SEL1L3: variants seen among roughly 807,000 people sequenced by gnomAD.
The protein encoded by SEL1L3 is SEL1L family member 3, also known as protein sel-1 homolog 3.
Under a neutral mutation model 142.8 loss-of-function variants are expected in SEL1L3, and 76 were observed. The observed-to-expected ratio is 0.53, with a 90% CI of 0.44 to 0.64. The LOEUF (loss-of-function observed/expected upper bound fraction) is 0.64. Among genes scored for constraint, SEL1L3 ranks in the 30% least tolerant of loss-of-function variants. SEL1L3 has a pLI of 0.00. For synonymous variants in SEL1L3, 504 were observed against 519.6 expected (o/e 0.97, Z 0.41); for missense variants, 1,262 against 1,381.7 (o/e 0.91, Z 1.37).
the SEL1L3 span, among the ~76,000 whole-genome samples, chr4:25,733,689 T>G: frequency 6.6e-6 from 1 of 151,370 alleles, no homozygotes; most frequent in Non-Finnish European, 1.5e-5. Context: ...CCCGGCTAAT[T>G]TTTGTATTTT....
At chr4:25,756,215 G>T (rs1250303149) in intron 23 of SEL1L3, 1 of 985,254 alleles carries the variant, frequency 1.0e-6, no homozygotes, top group Non-Finnish European at 1.2e-6. Context: ...GCCTTCATGA[G>T]TTATTATACC....
chr4:25,758,887 C>T (rs935877622), intron 21 of SEL1L3, 54 bp downstream of exon 21: 2 of 1,540,664 alleles, frequency 1.3e-6, no homozygotes, highest in African/African-American at 2.8e-5. Context: ...AAGAAGCGAA[C>T]ATCATCTACT....
the SEL1L3 span, among the ~76,000 whole-genome samples, chr4:25,727,197 CCT>C: frequency 4.2e-3 from 635 of 152,168 alleles, 3 homozygotes; most frequent in African/African-American, 0.014. Flanking sequence ...GGACTACAGG[CCT>C]GTGCCACTAC....
chr4:25,844,077 AC>A lies in SEL1L3; in HGVS notation c.733+3216del, dbSNP rs562977499. 8.5e-5 allele frequency among the ~76,000 whole-genome samples: 13 copies of A among 152,282 alleles called. No individual in the cohort carries two copies. In the East Asian group the frequency reaches 2.5e-3, roughly 29 times the overall value. The stretch of plus-strand genomic sequence containing the variant: ...CTTGACACAGAAAACCTTCCCTGAA[AC>A]CCCACATCAGTGCTGGCTGAGACAG... On this transcript the variant is annotated intron_variant, in intron 2 of 23. Transcript: ENST00000399878.
At chr4:25,741,066 T>G in the SEL1L3 span, among the ~76,000 whole-genome samples, 2 of 151,838 alleles carry the variant, frequency 1.3e-5, no homozygotes, top group African/African-American at 4.8e-5. Flanking sequence ...ATTATAGACA[T>G]GAGCCACTGC....
At chr4:25,760,981 A>G (rs1336460323) in intron 20 of SEL1L3, among the ~76,000 whole-genome samples, 2 of 152,166 alleles carry the variant, frequency 1.3e-5, no homozygotes, top group African/African-American at 2.4e-5. Flanking sequence ...AGCGTCAAAC[A>G]CAAGAGGACA....
chr4:25,831,384 G>A lies in SEL1L3; in HGVS notation c.1099-1228C>T, dbSNP rs550460458. On this transcript the variant is annotated intron_variant, in intron 5 of 23. Transcript: ENST00000399878. ...CTTCTCCGTTCTCCATCTAAATCCTGTCCAACCAGAGAAATCTTCTCATGA... is the reference window on the plus strand; with the variant it reads ...CTTCTCCGTTCTCCATCTAAATCCTATCCAACCAGAGAAATCTTCTCATGA... Among the ~76,000 whole-genome samples the A allele has an allele frequency of 2.0e-5, 3 of 151,466 alleles. 1 individual carries two copies. In the South Asian group the frequency reaches 6.3e-4, roughly 32 times the overall value.
the SEL1L3 span, among the ~76,000 whole-genome samples, chr4:25,730,973 G>A: frequency 0.029 from 4,369 of 152,256 alleles, 87 homozygotes; most frequent in Middle Eastern, 0.058. Context: ...GGAGGTTGCA[G>A]CGAGGAAAGA....
rs543104154 is a variant in SEL1L3, at chr4:25,805,854, A to G, written c.1565-1102T>C. Among the ~76,000 whole-genome samples the G allele has an allele frequency of 4.6e-5, 7 of 152,374 alleles. 1 individual carries two copies. In the South Asian group the frequency reaches 1.4e-3, roughly 32 times the overall value. On this transcript the variant is annotated intron_variant, in intron 9 of 23. Coordinates refer to ENST00000399878, the MANE Select transcript of SEL1L3 (RefSeq NM_015187.5). ...AGACTTAACTTTTAACTTAAGACTT[A>G]CATTTAACTTAGGATGTGAGTTAAA...
chr4:25,803,278 T>C (rs971396426), intron 10 of SEL1L3, among the ~76,000 whole-genome samples: 1 of 152,190 alleles, frequency 6.6e-6, no homozygotes, highest in African/African-American at 2.4e-5. Context: ...GGGACTAGGC[T>C]GTTTTCATTA....
intron 16 of SEL1L3, among the ~76,000 whole-genome samples, chr4:25,777,093 C>A (rs1170137970): frequency 6.6e-6 from 1 of 151,888 alleles, no homozygotes; most frequent in Non-Finnish European, 1.5e-5. Flanking sequence ...ATGCTGCTTA[C>A]AAGAGCCATG....
chr4:25,760,274 G>C (rs1271508752), intron 20 of SEL1L3, among the ~76,000 whole-genome samples: 1 of 152,180 alleles, frequency 6.6e-6, no homozygotes, highest in Non-Finnish European at 1.5e-5. Flanking sequence ...TGGCTGCATA[G>C]TATTCCATGG....
At chr4:25,724,828 A>G in the SEL1L3 span, among the ~76,000 whole-genome samples, 3 of 151,730 alleles carry the variant, frequency 2.0e-5, no homozygotes, top group African/African-American at 7.3e-5. Context: ...TGGTAGTTAT[A>G]ACAGTAAACC....
At chr4:25,767,978 G>T in intron 17 of SEL1L3, 148 bp from the exon 18 acceptor site, 2 of 612,772 alleles carry the variant, frequency 3.3e-6, no homozygotes, top group South Asian at 4.2e-5. Context: ...AATAAATATT[G>T]TTAAAAATAC....
intron 15 of SEL1L3, among the ~76,000 whole-genome samples, chr4:25,780,173 A>G (rs1330883054): frequency 6.6e-6 from 1 of 151,870 alleles, no homozygotes; most frequent in East Asian, 1.9e-4. Flanking sequence ...CTCACACCCC[A>G]CATTCAACCC....
chr4:25,739,481 T>C, the SEL1L3 span, among the ~76,000 whole-genome samples: 5 of 151,606 alleles, frequency 3.3e-5, no homozygotes, highest in Admixed American at 2.6e-4. Context: ...CCGAGGAGGG[T>C]AGATCACGAG....
intron 21 of SEL1L3, among the ~76,000 whole-genome samples, chr4:25,758,674 CTTTT>C (rs200110152): frequency 4.7e-4 from 66 of 141,348 alleles, no homozygotes; most frequent in African/African-American, 1.6e-3. Flanking sequence ...TCTTTTCTTT[CTTTT>C]TTTTTTTTTT....
intron 9 of SEL1L3, among the ~76,000 whole-genome samples, chr4:25,809,775 A>G (rs1047524403): frequency 2.0e-5 from 3 of 152,204 alleles, no homozygotes; most frequent in African/African-American, 4.8e-5. Flanking sequence ...TTTTTTAAAA[A>G]AGGTAATAAA....
At chr4:25,825,513 CGTT>C (rs1160975432) in intron 6 of SEL1L3, among the ~76,000 whole-genome samples, 1 of 152,072 alleles carries the variant, frequency 6.6e-6, no homozygotes, top group Non-Finnish European at 1.5e-5. Flanking sequence ...GAATCACCGA[CGTT>C]GTGAAACAGG....
Sources: gnomAD v4.1 joint callset for allele counts (sites outside exome capture counted in the v4.1 genomes callset) on GRCh38, gnomAD v4.1.1 for gene constraint, MANE v1.5 for transcripts, NCBI Gene and HGNC (gene_info 2026-07-23, HGNC 2026-07-21) for gene names.